The following SMOC1 variants were observed in gnomAD, a reference collection of about 807,000 sequenced individuals.
SMOC1 encodes SPARC-related modular calcium-binding protein 1.
In SMOC1, 22 loss-of-function variants were observed where a neutral mutation model predicts 56.3. The observed-to-expected ratio is 0.39, with a 90% CI of 0.28 to 0.56. The LOEUF is 0.56. SMOC1 is among the 20% of genes least tolerant of loss of function. The pLI is 0.61. For synonymous variants in SMOC1, 193 were observed against 215.0 expected, an observed-to-expected ratio of 0.90 and a Z score of 0.89; for missense variants, 509 against 565.4, an observed-to-expected ratio of 0.90 and a Z score of 1.01.
intron 7 of SMOC1, among the ~76,000 whole-genome samples, chr14:70,008,424 C>A (rs1448715561): frequency 6.6e-6 from 1 of 152,186 alleles, no homozygotes; most frequent in African/African-American, 2.4e-5. Flanking sequence ...TAGGCATGAG[C>A]CACTGAGCCT....
intron 1 of SMOC1, among the ~76,000 whole-genome samples, chr14:69,948,117 A>G (rs10873223): frequency 0.067 from 10,241 of 152,198 alleles, 1,240 homozygotes; most frequent in African/African-American, 0.24. Flanking sequence ...AGATGAAGGA[A>G]TGAACTGGAG....
chr14:69,966,368 G>A (rs1211711954), intron 3 of SMOC1, among the ~76,000 whole-genome samples: 3 of 152,116 alleles, frequency 2.0e-5, no homozygotes, highest in Non-Finnish European at 4.4e-5. Flanking sequence ...TCCTTTGTGG[G>A]GGATGCTGTT....
At chr14:69,897,404 G>T (rs1884127795) in intron 1 of SMOC1, among the ~76,000 whole-genome samples, 1 of 152,034 alleles carries the variant, frequency 6.6e-6, no homozygotes, top group Non-Finnish European at 1.5e-5. Context: ...AGTGATAATT[G>T]ATGTAGTTGA....
intron 7 of SMOC1, among the ~76,000 whole-genome samples, chr14:69,999,372 G>A (rs1337443979): frequency 6.6e-6 from 1 of 152,144 alleles, no homozygotes; most frequent in African/African-American, 2.4e-5. Flanking sequence ...ACCGGCTGAT[G>A]TAATGACTTG....
In SMOC1 at chr14:69,953,515, G is replaced by C; in HGVS notation, c.361G>C (p.Asp121His). The change falls in exon 3 of 12, where the codon GAT becomes CAT. Residue 121 changes from aspartate (D) to histidine (H), a missense_variant. Around this residue, in one of 3 missense-constraint regions of SMOC1, gnomAD observed 315 missense variants for 333.1 expected, o/e 0.95. Coordinates refer to ENST00000361956, the MANE Select transcript of SMOC1 (RefSeq NM_001034852.3). The part of the protein sequence containing the change: ...EAVFVPECGE[D>H]GSFTQVQCHT... Reference sequence around the variant, plus strand: ...TGTGTTTGTCCCAGAGTGTGGCGAGGATGGCTCCTTTACCCAGGTGAGGCC... The same window carrying C: ...TGTGTTTGTCCCAGAGTGTGGCGAGCATGGCTCCTTTACCCAGGTGAGGCC... 6.2e-7 allele frequency: 1 copy of C among 1,614,224 alleles called. No homozygotes were observed. Among genetic ancestry groups the C allele is most frequent in the Non-Finnish European group, 8.5e-7 (1 of 1,180,008 alleles).
chr14:69,997,597 G>A (rs1174817672), intron 7 of SMOC1, among the ~76,000 whole-genome samples: 4 of 152,110 alleles, frequency 2.6e-5, no homozygotes, highest in African/African-American at 9.7e-5. Context: ...TCTGTGTAAT[G>A]CCTGGCACAT....
intron 10 of SMOC1, among the ~76,000 whole-genome samples, chr14:70,015,470 AAC>A (rs1263021827): frequency 6.6e-6 from 1 of 152,142 alleles, no homozygotes; most frequent in African/African-American, 2.4e-5. Flanking sequence ...ACAAAAAAAA[AAC>A]GAAAGAAGAA....
At chr14:70,023,510 A>G in intron 11 of SMOC1, 63 bp downstream of exon 11, 1 of 1,607,478 alleles carries the variant, frequency 6.2e-7, no homozygotes. Flanking sequence ...CATGGGACCA[A>G]GGGCTCTCTG....
chr14:69,959,725 T>C (rs550270767), intron 3 of SMOC1, among the ~76,000 whole-genome samples: 2 of 150,490 alleles, frequency 1.3e-5, no homozygotes, highest in African/African-American at 2.5e-5. Flanking sequence ...TGCATGGATC[T>C]CTTGCATATA....
At chr14:70,014,958 C>T (rs182519280) in intron 10 of SMOC1, among the ~76,000 whole-genome samples, 26 of 152,300 alleles carry the variant, frequency 1.7e-4, no homozygotes, top group African/African-American at 6.0e-4. Flanking sequence ...GAGCTGTCGA[C>T]GTTTCTGCAT....
At chr14:69,958,103 A>G (rs1253508056) in intron 3 of SMOC1, among the ~76,000 whole-genome samples, 1 of 152,224 alleles carries the variant, frequency 6.6e-6, no homozygotes, top group Non-Finnish European at 1.5e-5. Flanking sequence ...CTTAAACAAA[A>G]CTAAAAGCAA....
chr14:69,999,458 A>G (rs1884890138), intron 7 of SMOC1, among the ~76,000 whole-genome samples: 1 of 152,232 alleles, frequency 6.6e-6, no homozygotes, highest in South Asian at 2.1e-4. Context: ...GCCACCTGGA[A>G]TCTCGCACAT....
chr14:69,883,669 C>G (rs1045063592), intron 1 of SMOC1, among the ~76,000 whole-genome samples: 2 of 152,152 alleles, frequency 1.3e-5, no homozygotes, highest in African/African-American at 4.8e-5. Context: ...GGATCATATG[C>G]TAGTTCTGCT....
chr14:69,953,379 A>G, intron 2 of SMOC1, 41 bp from the exon 3 acceptor site: 1 of 1,594,196 alleles, frequency 6.3e-7, no homozygotes, highest in Non-Finnish European at 8.6e-7. Flanking sequence ...CCCAGTGTCG[A>G]ATCCAAGTGA....
At chr14:69,952,344 G>A (rs769864202) in intron 2 of SMOC1, 41 bp downstream of exon 2, 1 of 1,611,132 alleles carries the variant, frequency 6.2e-7, no homozygotes. Flanking sequence ...AGAGGTTCCT[G>A]GGCACCCCAG....
At chr14:69,888,390 A>G (rs942863354) in intron 1 of SMOC1, among the ~76,000 whole-genome samples, 24 of 152,180 alleles carry the variant, frequency 1.6e-4, no homozygotes, top group African/African-American at 5.3e-4. Flanking sequence ...TTAGGTATGG[A>G]GCTCTGCATA....
intron 1 of SMOC1, among the ~76,000 whole-genome samples, chr14:69,905,012 C>A (rs995629673): frequency 1.3e-5 from 2 of 152,106 alleles, no homozygotes; most frequent in African/African-American, 4.8e-5. Context: ...AACGGGTTGC[C>A]TGTAATGAAG....
intron 3 of SMOC1, among the ~76,000 whole-genome samples, chr14:69,960,141 T>C (rs1233759329): frequency 3.3e-5 from 5 of 152,190 alleles, no homozygotes; most frequent in Non-Finnish European, 7.4e-5. Flanking sequence ...TGATGAAACA[T>C]TGGCAGGCTG....
At chr14:69,972,431 G>A (rs1397017758) in intron 3 of SMOC1, among the ~76,000 whole-genome samples, 1 of 151,804 alleles carries the variant, frequency 6.6e-6, no homozygotes, top group Non-Finnish European at 1.5e-5. Flanking sequence ...CACACCTGCG[G>A]CACACCTGGG....
Sources: allele counts gnomAD v4.1 joint callset (sites outside exome capture counted in the v4.1 genomes callset), GRCh38; gene constraint gnomAD v4.1.1; regional missense constraint gnomAD v4.1.1; transcripts MANE v1.5; gene names NCBI Gene and HGNC (gene_info 2026-07-23, HGNC 2026-07-21).